DBNDD1: variants seen among roughly 807,000 people sequenced by gnomAD.
The protein encoded by DBNDD1 is dysbindin domain containing 1.
A neutral mutation model predicts 17.0 loss-of-function variants in DBNDD1; 14 were observed. The ratio of observed to expected loss-of-function variants is 0.82; its 90% confidence interval spans 0.54 to 1.29. The LOEUF is 1.29. Ranked by LOEUF, DBNDD1 falls within the 50% of genes most tolerant of loss-of-function variation. DBNDD1 has a pLI of 0.00. For missense variants in DBNDD1, 221 were observed against 216.2 expected, an observed-to-expected ratio of 1.02 and a Z score of -0.14; for synonymous variants, 105 against 102.0, an observed-to-expected ratio of 1.03 and a Z score of -0.18.
intron 1 of DBNDD1, among the ~76,000 whole-genome samples, chr16:90,014,371 C>T (rs900993350): frequency 5.3e-5 from 8 of 152,038 alleles, no homozygotes; most frequent in East Asian, 2.0e-4. Context: ...ATGATCCGCC[C>T]GCCTTGGCCT....
At chr16:90,007,467 G>A (rs1177266045) in intron 3 of DBNDD1, 5 of 152,296 alleles carry the variant, frequency 3.3e-5, no homozygotes, top group African/African-American at 9.6e-5. Context: ...GACTGAGGAC[G>A]CGCTGTCGCA....
At chr16:90,007,631 G>A (rs1359226040) in intron 3 of DBNDD1, 1 of 152,344 alleles carries the variant, frequency 6.6e-6, no homozygotes, top group Non-Finnish European at 1.5e-5. Context: ...GTGAGCTGAG[G>A]AGGGGCCCGG....
At chr16:90,011,067 C>T (rs1033910935) in intron 1 of DBNDD1, among the ~76,000 whole-genome samples, 9 of 152,340 alleles carry the variant, frequency 5.9e-5, no homozygotes, top group African/African-American at 1.9e-4. Flanking sequence ...GCCCAGCGCA[C>T]GCTTGTCAGA....
upstream of DBNDD1, chr16:90,019,548 C>A (rs1225915941): frequency 1.9e-5 from 3 of 161,740 alleles, no homozygotes; most frequent in Non-Finnish European, 2.6e-5. This position sits in a 1 kb window ranked among gnomAD's most constrained non-coding sequence, Gnocchi z 6.1. Context: ...GGCGCCCCCC[C>A]AGCCGCAGGA....
In DBNDD1 at chr16:90,006,507, G is replaced by A; in HGVS notation, c.320-15C>T. ...CGGGTGCAGACCTAGGGGCATGCGGGAAGGGGAACTCGGTGTGGCTGAGAG... is the reference window on the plus strand; with the variant it reads ...CGGGTGCAGACCTAGGGGCATGCGGAAAGGGGAACTCGGTGTGGCTGAGAG... On this transcript the variant is annotated splice_polypyrimidine_tract_variant and intron_variant, in intron 3 of 3. Transcript: ENST00000002501. 6 of 1,593,760 alleles carry A rather than the reference G, an allele frequency of 3.8e-6. No homozygotes were observed. Among genetic ancestry groups the A allele is most frequent in the Non-Finnish European group, 4.2e-6 (5 of 1,176,866 alleles).
intron 1 of DBNDD1, among the ~76,000 whole-genome samples, chr16:90,010,534 ATT>A (rs778294927): frequency 1.6e-4 from 20 of 128,870 alleles, no homozygotes; most frequent in African/African-American, 2.1e-4. Flanking sequence ...CACCCAGCTA[ATT>A]TTTTTTTTTT....
intron 1 of DBNDD1, among the ~76,000 whole-genome samples, chr16:90,014,006 G>C (rs2035598528): frequency 6.6e-6 from 1 of 152,164 alleles, no homozygotes; most frequent in Non-Finnish European, 1.5e-5. Context: ...GGCAGGGGTG[G>C]TGTGTGCAGG....
In DBNDD1 at chr16:90,015,156, G is replaced by A. The variant is rs149330593; in HGVS notation, c.31+4155C>T. 6.6e-5 allele frequency among the ~76,000 whole-genome samples: 10 copies of A among 152,206 alleles called. No individual in the cohort carries two copies. The East Asian group carries it at 1.7e-3, about 26-fold the overall frequency. On this transcript the variant is annotated intron_variant, in intron 1 of 3. Transcript: ENST00000002501. ...TCTGGTCCTTCCCCATCTCCCTTTG[G>A]CCTGGTCTTTATTCTGTAAAGTCTG...
Position 90,017,716 on chromosome 16 carries a change from C to T in DBNDD1, c.31+1595G>A, listed in dbSNP as rs143065965. On this transcript the variant is annotated intron_variant, in intron 1 of 3. Coordinates refer to ENST00000002501, the MANE Select transcript of DBNDD1 (RefSeq NM_001042610.3). ...TAAGTGATAAGTAATGACAGAGTCA[C>T]CAATGTGTGATCTCATGAGGTTCCA... is the stretch of plus-strand genomic sequence containing the variant. 3.3e-3 allele frequency among the ~76,000 whole-genome samples: 509 copies of T among 152,288 alleles called. 2 individuals carry two copies. Among genetic ancestry groups the T allele is most frequent in the African/African-American group, 0.011 (442 of 41,552 alleles).
Position 90,008,887 on chromosome 16 carries a change from G to A in DBNDD1, c.216C>T (p.Phe72=), listed in dbSNP as rs764814543. The A allele has an allele frequency of 2.6e-5, 42 of 1,588,950 alleles. No homozygotes were observed. The highest frequency in any genetic ancestry group is 3.5e-5 in the Non-Finnish European group (41 of 1,164,724). ...LSSVSSLEVH[F]DLLDLTELTD... ...TGAGCTCAGTGAGGTCCAGGAGGTC[G>A]AAGTGGACCTCCAGAGAGGAGACGC... Residue 72 remains phenylalanine (F), a synonymous_variant, in exon 3 of 4, where the codon TTC becomes TTT. Coordinates refer to ENST00000002501, the MANE Select transcript of DBNDD1 (RefSeq NM_001042610.3).
chr16:90,013,559 A>C (rs2035591810), intron 1 of DBNDD1, among the ~76,000 whole-genome samples: 1 of 152,144 alleles, frequency 6.6e-6, no homozygotes, highest in Non-Finnish European at 1.5e-5. Flanking sequence ...AGGGCCCAGC[A>C]GAGGGAGCAG....
At position 90,009,339 on chromosome 16, in the gene DBNDD1, C is replaced by A; in HGVS notation, c.123G>T (p.Glu41Asp). Residue 41 changes from glutamate (E) to aspartate (D), a missense_variant, in exon 2 of 4, where the codon GAG becomes GAT. Transcript: ENST00000002501. ...GDNGHTPVEE[E>D]VGGIPVPAPG... ...GTGCTGGTACTGGGATGCCCCCGACCTCCTCCTCCACAGGCGTGTGGCCAT... is the reference window on the plus strand; with the variant it reads ...GTGCTGGTACTGGGATGCCCCCGACATCCTCCTCCACAGGCGTGTGGCCAT... The A allele has an allele frequency of 6.2e-7, 1 of 1,613,582 alleles. No individual in the cohort carries two copies. Among genetic ancestry groups the A allele is most frequent in the Non-Finnish European group, 8.5e-7 (1 of 1,180,016 alleles).
chr16:90,009,740 G>C, intron 1 of DBNDD1: 2 of 632,438 alleles, frequency 3.2e-6, no homozygotes, highest in Non-Finnish European at 5.4e-6. Context: ...AGTCCCACCA[G>C]GGCCCGCGTG....
chr16:90,014,839 C>G (rs1380594282), intron 1 of DBNDD1, among the ~76,000 whole-genome samples: 1 of 152,028 alleles, frequency 6.6e-6, no homozygotes, highest in African/African-American at 2.4e-5. Context: ...AACCCCGTCT[C>G]TACTAAAAAT....
chr16:90,013,450 A>C (rs982951965), intron 1 of DBNDD1, among the ~76,000 whole-genome samples: 8 of 152,080 alleles, frequency 5.3e-5, no homozygotes, highest in African/African-American at 1.7e-4. Flanking sequence ...CCCAGCATGC[A>C]GCACAGGGCT....
intron 1 of DBNDD1, among the ~76,000 whole-genome samples, chr16:90,011,355 T>TC (rs988035428): frequency 3.3e-5 from 5 of 152,104 alleles, no homozygotes; most frequent in Non-Finnish European, 7.4e-5. Context: ...CCCCCACCCC[T>TC]CCCCAGCAGA....
At position 90,006,030 on chromosome 16, in the gene DBNDD1, C is replaced by T. The variant is rs1014944787; in HGVS notation, c.*305G>A. On this transcript the variant is annotated 3_prime_UTR_variant, in exon 4 of 4. Coordinates refer to ENST00000002501, the MANE Select transcript of DBNDD1 (RefSeq NM_001042610.3). Reference sequence around the variant, plus strand: ...ACTCCGTGACGCTGTCTTCCTGACTCGGGGCCCAGGAACGAGCTGGACGTA... The same window carrying T: ...ACTCCGTGACGCTGTCTTCCTGACTTGGGGCCCAGGAACGAGCTGGACGTA... 5.2e-5 allele frequency: 16 copies of T among 308,462 alleles called. No individual in the cohort carries two copies. The highest frequency in any genetic ancestry group is 1.2e-4 in the African/African-American group (6 of 48,584). 19.1% of individuals were successfully genotyped at this position (308,462 alleles called of 1,614,324 possible).
At chr16:90,016,643 G>A (rs1362102325) in intron 1 of DBNDD1, among the ~76,000 whole-genome samples, 1 of 152,188 alleles carries the variant, frequency 6.6e-6, no homozygotes, top group South Asian at 2.1e-4. Context: ...CCAGGAGTTG[G>A]GGTGCCTCAG....
chr16:90,014,087 A>G (rs1419966772), intron 1 of DBNDD1, among the ~76,000 whole-genome samples: 1 of 151,760 alleles, frequency 6.6e-6, no homozygotes, highest in Non-Finnish European at 1.5e-5. Context: ...AGGGTTTTGA[A>G]TGGAGTGGGA....
Sources: gnomAD v4.1 joint callset for allele counts (sites outside exome capture counted in the v4.1 genomes callset) on GRCh38, gnomAD v4.1.1 for gene constraint, Gnocchi (gnomAD v3.1) non-coding constraint, MANE v1.5 for transcripts, NCBI Gene and HGNC (gene_info 2026-07-23, HGNC 2026-07-21) for gene names.